Variants in PALLD observed in about 807,000 individuals in gnomAD.
PALLD encodes the protein palladin, cytoskeletal associated protein.
Under a neutral mutation model 123.5 loss-of-function variants are expected in PALLD, and 61 were observed. The ratio of observed to expected loss-of-function variants is 0.49; its 90% CI spans 0.40 to 0.61. The LOEUF (loss-of-function observed/expected upper bound fraction) is 0.61, where lower values mean the gene tolerates loss of function less well. Ranked by LOEUF, PALLD falls within the 20% of genes least tolerant of loss-of-function variation. PALLD has a pLI of 0.00. For synonymous variants in PALLD, 465 were observed against 496.4 expected, an observed-to-expected ratio of 0.94 and a Z score of 0.84; for missense variants, 1,273 against 1,377.0, an observed-to-expected ratio of 0.92 and a Z score of 1.20.
chr4:168,852,589 C>T (rs574611375), intron 10 of PALLD, among the ~76,000 whole-genome samples: 27 of 152,136 alleles, frequency 1.8e-4, no homozygotes, highest in African/African-American at 5.5e-4. Context: ...TGCAGTGAGC[C>T]GTGACTATGC....
At chr4:168,612,291 A>C (rs1580576261) in intron 2 of PALLD, among the ~76,000 whole-genome samples, 1 of 151,888 alleles carries the variant, frequency 6.6e-6, no homozygotes. Flanking sequence ...TATAATTTCC[A>C]AAATCATCTC....
chr4:168,862,563 C>T (rs1017835234), intron 10 of PALLD, among the ~76,000 whole-genome samples: 1 of 152,168 alleles, frequency 6.6e-6, no homozygotes, highest in South Asian at 2.1e-4. Flanking sequence ...TTGTTGATTG[C>T]GCTCTCTCAT....
intron 10 of PALLD, among the ~76,000 whole-genome samples, chr4:168,819,898 G>C (rs923554620): frequency 1.3e-5 from 2 of 152,188 alleles, no homozygotes; most frequent in Non-Finnish European, 2.9e-5. Context: ...CACAGGACTC[G>C]AAGTGAATCG....
At chr4:168,732,586 C>T (rs1467828028) in intron 10 of PALLD, among the ~76,000 whole-genome samples, 1 of 152,132 alleles carries the variant, frequency 6.6e-6, no homozygotes, top group African/African-American at 2.4e-5. Context: ...ATCTATAAGG[C>T]TAGGAACATA....
rs2151288911 is a variant in PALLD at position 168,901,471 on chromosome 4, T to C, written c.2473-2286T>C. On this transcript the variant is annotated intron_variant, in intron 14 of 21. Transcript: ENST00000505667. ...CCAAGTATAATGGAGGTGAAAAATA[T>C]GATTAAAGAAATAACTCAAGAACTG... Among the ~76,000 whole-genome samples, 3 of 152,306 alleles carry C rather than the reference T, an allele frequency of 2.0e-5. 1 individual carries two copies. In the East Asian group the frequency reaches 5.8e-4, roughly 29 times the overall value.
chr4:168,519,529 T>G (rs1223294601), intron 2 of PALLD, among the ~76,000 whole-genome samples: 1 of 148,566 alleles, frequency 6.7e-6, no homozygotes, highest in African/African-American at 2.5e-5. Flanking sequence ...TTTTTTTTTG[T>G]TTTGAATTTA....
chr4:168,668,918 G>T (rs565680070), intron 3 of PALLD, among the ~76,000 whole-genome samples: 265 of 152,276 alleles, frequency 1.7e-3, no homozygotes, highest in African/African-American at 6.2e-3. Context: ...TATTTCTGTT[G>T]TTCTGTTCAT....
At chr4:168,795,888 T>A (rs1471950655) in intron 10 of PALLD, among the ~76,000 whole-genome samples, 3 of 148,830 alleles carry the variant, frequency 2.0e-5, no homozygotes, top group Non-Finnish European at 3.0e-5. Context: ...TTTGTACTTA[T>A]TTTTTTTTAT....
intron 2 of PALLD, among the ~76,000 whole-genome samples, chr4:168,610,217 T>C (rs572501653): frequency 6.6e-6 from 1 of 152,296 alleles, no homozygotes; most frequent in Non-Finnish European, 1.5e-5. Context: ...TTCTCTTTAT[T>C]CTCCTTGGCA....
At chr4:168,725,522 C>CTTTTTTTTTTTTTTTTTTTTTT (rs1210834634) in intron 10 of PALLD, among the ~76,000 whole-genome samples, 1 of 91,654 alleles carries the variant, frequency 1.1e-5, no homozygotes. Flanking sequence ...TCTTTAATTT[C>CTTTTTTTTTTTTTTTTTTTTTT]TTTTTTTTTT....
chr4:168,880,839 A>G (rs1327111975), intron 10 of PALLD, among the ~76,000 whole-genome samples: 1 of 152,236 alleles, frequency 6.6e-6, no homozygotes, highest in Non-Finnish European at 1.5e-5. Context: ...GAAATTCATT[A>G]GGTTTTTTTC....
chr4:168,827,690 A>G (rs1199413039), intron 10 of PALLD, among the ~76,000 whole-genome samples: 2 of 152,248 alleles, frequency 1.3e-5, no homozygotes, highest in Non-Finnish European at 2.9e-5. Context: ...GAAACAGGCC[A>G]TTCAGGCAAG....
At chr4:168,866,622 C>A (rs1300413574) in intron 10 of PALLD, among the ~76,000 whole-genome samples, 1 of 152,156 alleles carries the variant, frequency 6.6e-6, no homozygotes, top group East Asian at 1.9e-4. Flanking sequence ...ACCAACCATT[C>A]ATTAGTTTCT....
At chr4:168,600,084 TATACATGCATGTGTATGCACAC>T (rs1772461690) in intron 2 of PALLD, among the ~76,000 whole-genome samples, 2 of 107,602 alleles carry the variant, frequency 1.9e-5, no homozygotes, top group Admixed American at 2.0e-4. Flanking sequence ...CACACACATA[TATACATGCATGTGTATGCACAC>T]ATATATATAC....
intron 2 of PALLD, among the ~76,000 whole-genome samples, chr4:168,555,180 G>A (rs1767151262): frequency 6.6e-6 from 1 of 152,120 alleles, no homozygotes. Context: ...ATGTTCCCTG[G>A]GGTGTTTTCC....
chr4:168,833,660 AG>A (rs1298771839), intron 10 of PALLD, among the ~76,000 whole-genome samples: 2 of 151,842 alleles, frequency 1.3e-5, no homozygotes, highest in African/African-American at 4.8e-5. Flanking sequence ...CCACTACCTA[AG>A]GAAAAGATAG....
intron 10 of PALLD, among the ~76,000 whole-genome samples, chr4:168,827,816 C>T (rs571924312): frequency 2.0e-5 from 3 of 152,126 alleles, no homozygotes; most frequent in Non-Finnish European, 4.4e-5. Flanking sequence ...GCCGAAGAGG[C>T]AGATCACAAG....
At chr4:168,839,595 T>TGGGA (rs1745731843) in intron 10 of PALLD, among the ~76,000 whole-genome samples, 1 of 7,844 alleles carries the variant, frequency 1.3e-4, no homozygotes, top group South Asian at 2.8e-3. Context: ...GGAGGGGGGA[T>TGGGA]GGGAGGGGTA....
intron 10 of PALLD, among the ~76,000 whole-genome samples, chr4:168,884,911 G>A (rs909908414): frequency 1.7e-4 from 26 of 152,180 alleles, no homozygotes; most frequent in African/African-American, 6.0e-4. Context: ...ATTAGTTCAT[G>A]TAGTTTACCC....
Sources: gnomAD v4.1 joint callset for allele counts (sites outside exome capture counted in the v4.1 genomes callset) on GRCh38, gnomAD v4.1.1 for gene constraint, MANE v1.5 for transcripts, NCBI Gene and HGNC (gene_info 2026-07-23, HGNC 2026-07-21) for gene names.